WBP2NL: variants seen among roughly 807,000 people sequenced by gnomAD.
WBP2NL encodes WBP2 N-terminal like.
Under a neutral mutation model 23.3 loss-of-function variants are expected in WBP2NL, and 27 were observed. That is an observed-to-expected ratio of 1.16 (90% CI 0.85 to 1.60). The LOEUF (loss-of-function observed/expected upper bound fraction) is 1.60. Among genes scored for constraint, WBP2NL ranks in the 40% most tolerant of loss-of-function variants. WBP2NL has a pLI of 0.00. For synonymous variants in WBP2NL, 151 were observed against 145.9 expected (o/e 1.03, Z -0.25); for missense variants, 370 against 389.5 (o/e 0.95, Z 0.42).
intron 1 of WBP2NL, among the ~76,000 whole-genome samples, chr22:42,013,093 C>T (rs1475258046): frequency 6.6e-6 from 1 of 151,454 alleles, no homozygotes; most frequent in Non-Finnish European, 1.5e-5. Flanking sequence ...TCGCTGCTGG[C>T]CGGGCGTGGT....
chr22:42,004,535 A>AG (rs1922022203), intron 1 of WBP2NL, among the ~76,000 whole-genome samples: 1 of 152,174 alleles, frequency 6.6e-6, no homozygotes, highest in South Asian at 2.1e-4. Flanking sequence ...TGGAGGTTAC[A>AG]GTGAGCTGAG....
intron 8 of WBP2NL, among the ~76,000 whole-genome samples, chr22:42,049,899 C>A (rs2146823669): frequency 6.8e-6 from 1 of 147,218 alleles, no homozygotes; most frequent in South Asian, 2.2e-4. Flanking sequence ...ATTGCTTGAA[C>A]CTGAGAGGCA....
intron 8 of WBP2NL, among the ~76,000 whole-genome samples, chr22:42,049,790 GA>G (rs999256705): frequency 7.3e-6 from 1 of 137,796 alleles, no homozygotes; most frequent in Non-Finnish European, 1.6e-5. Context: ...CATGAAAAAA[GA>G]AAAAAATAAT....
intron 1 of WBP2NL, among the ~76,000 whole-genome samples, chr22:42,012,187 T>C (rs570857096): frequency 6.6e-6 from 1 of 152,260 alleles, no homozygotes; most frequent in East Asian, 1.9e-4. Flanking sequence ...TTTTTTTTCT[T>C]ATTTTTTTCT....
rs758080775 is a variant in WBP2NL, at chr22:42,027,901, G to A, written c.*720G>A. On this transcript the variant is annotated 3_prime_UTR_variant, in exon 6 of 6. Transcript: ENST00000328823. ...GAAATATGAATTGCCGAATAACCAA[G>A]GCAATAGCATGGCCAGAAAACGTTT... The A allele has an allele frequency of 9.7e-4, 385 of 398,338 alleles. 1 individual carries two copies. Among genetic ancestry groups the A allele is most frequent in the South Asian group, 1.3e-3 (10 of 7,818 alleles). 24.7% of individuals were successfully genotyped at this position (398,338 alleles called of 1,614,324 possible). A position where few individuals can be genotyped will look rare whatever the true frequency, so the allele number is the denominator to read the frequency against.
At chr22:42,033,315 A>G (rs1026981867), downstream of WBP2NL, among the ~76,000 whole-genome samples, 1 of 152,178 alleles carries the variant, frequency 6.6e-6, no homozygotes. Flanking sequence ...GCCAGGAACC[A>G]TAGGGCCCCA....
downstream of WBP2NL, among the ~76,000 whole-genome samples, chr22:42,036,435 A>G (rs1301213957): frequency 2.0e-5 from 3 of 152,100 alleles, no homozygotes; most frequent in East Asian, 3.9e-4. Context: ...CGGCCTCCCA[A>G]AGTGCTGGGA....
At chr22:42,000,133 G>T (rs1921476221) in intron 1 of WBP2NL, among the ~76,000 whole-genome samples, 1 of 152,146 alleles carries the variant, frequency 6.6e-6, no homozygotes, top group Admixed American at 6.5e-5. Flanking sequence ...TGTGCTTGGG[G>T]CCAGCACACT....
At chr22:42,022,210 A>T (rs1204001328) in intron 4 of WBP2NL, 39 bp from the exon 5 acceptor site, 1 of 1,528,704 alleles carries the variant, frequency 6.5e-7, no homozygotes, top group Non-Finnish European at 9.1e-7. Flanking sequence ...ATCTGACTTA[A>T]TTAAAAGAGT....
intron 1 of WBP2NL, chr22:42,003,521 T>C (rs1011715679): frequency 3.3e-5 from 5 of 152,112 alleles, no homozygotes; most frequent in African/African-American, 7.2e-5. Context: ...AGGGAGTAAG[T>C]TGACTAAAAA....
chr22:41,998,927 T>A (rs1236094326), intron 1 of WBP2NL, 47 bp downstream of exon 1: 1 of 1,572,072 alleles, frequency 6.4e-7, no homozygotes, highest in Admixed American at 1.8e-5. Context: ...AGGAGACGAA[T>A]GAGATAGACA....
At chr22:42,053,475 T>C (rs1421284190) in intron 8 of WBP2NL, among the ~76,000 whole-genome samples, 1 of 151,820 alleles carries the variant, frequency 6.6e-6, no homozygotes, top group Non-Finnish European at 1.5e-5. Flanking sequence ...TTTTTCTTTT[T>C]TTTTTAAGAC....
chr22:42,017,754 G>A (rs184450694), intron 1 of WBP2NL, among the ~76,000 whole-genome samples: 3 of 152,208 alleles, frequency 2.0e-5, no homozygotes, highest in Admixed American at 2.0e-4. Flanking sequence ...GCGCATTCCT[G>A]TAGTCCTAGC....
Position 42,001,956 on chromosome 22 carries a change from G to A in WBP2NL, c.62+3076G>A, listed in dbSNP as rs1187111995. 6 of 1,363,832 alleles carry A rather than the reference G, an allele frequency of 4.4e-6. No homozygotes were observed. The East Asian group carries it at 9.7e-5, about 22-fold the overall frequency. 84.5% of individuals were successfully genotyped at this position (1,363,832 alleles called of 1,614,324 possible). A position where few individuals can be genotyped will look rare whatever the true frequency, so the allele number is the denominator to read the frequency against. On this transcript the variant is annotated intron_variant, in intron 1 of 5. Coordinates refer to ENST00000328823, the MANE Select transcript of WBP2NL (RefSeq NM_152613.3). ...GGAGTCCTTGGCGAAGGACACAGCAGCCTCTGTGATGTCGAAAGAGGAGGC... is the reference window on the plus strand; with the variant it reads ...GGAGTCCTTGGCGAAGGACACAGCAACCTCTGTGATGTCGAAAGAGGAGGC...
intron 4 of WBP2NL, 78 bp downstream of exon 4, chr22:42,020,174 C>A: frequency 7.4e-7 from 1 of 1,357,748 alleles, no homozygotes; most frequent in Non-Finnish European, 1.0e-6. Flanking sequence ...GTTGTTGTTG[C>A]TGTTGTTGTT....
downstream of WBP2NL, among the ~76,000 whole-genome samples, chr22:42,028,871 T>G (rs1295196839): frequency 6.6e-6 from 1 of 152,242 alleles, no homozygotes; most frequent in Admixed American, 6.5e-5. Context: ...ATTAAGGTAC[T>G]GCCCTGTACG....
chr22:42,008,945 A>G (rs1374944421), intron 1 of WBP2NL, among the ~76,000 whole-genome samples: 1 of 151,852 alleles, frequency 6.6e-6, no homozygotes, highest in Non-Finnish European at 1.5e-5. Flanking sequence ...CGCCCGGCTA[A>G]TTTTTTCTAT....
At chr22:42,026,052 A>C (rs933734086) in intron 5 of WBP2NL, among the ~76,000 whole-genome samples, 3 of 152,040 alleles carry the variant, frequency 2.0e-5, no homozygotes, top group African/African-American at 7.2e-5. Flanking sequence ...CGGGTGGATC[A>C]TGAGGTCAGG....
At chr22:42,056,707 AT>A (rs1926046328) in intron 8 of WBP2NL, among the ~76,000 whole-genome samples, 1 of 151,302 alleles carries the variant, frequency 6.6e-6, no homozygotes, top group East Asian at 1.9e-4. Context: ...CTTTTTTTTC[AT>A]TTTTAATTTT....
Sources: gnomAD v4.1 joint callset for allele counts (sites outside exome capture counted in the v4.1 genomes callset) on GRCh38, gnomAD v4.1.1 for gene constraint, MANE v1.5 for transcripts, NCBI Gene and HGNC (gene_info 2026-07-23, HGNC 2026-07-21) for gene names.